Variants in TRPS1 observed in about 807,000 individuals in gnomAD.
The protein encoded by TRPS1 is zinc finger transcription factor Trps1.
Under a neutral mutation model 101.2 loss-of-function variants are expected in TRPS1, and 6 were observed. That is an observed-to-expected ratio of 0.06 (90% CI 0.03 to 0.12). The LOEUF (loss-of-function observed/expected upper bound fraction) is 0.12. TRPS1 is among the 10% of genes least tolerant of loss of function. The probability of loss-of-function intolerance (pLI) is 1.00; values close to 1 mark genes in which losing one functional copy is unlikely to be tolerated. For synonymous variants in TRPS1, 578 were observed against 589.8 expected, an observed-to-expected ratio of 0.98 and a Z score of 0.29; for missense variants, 1,363 against 1,567.0, an observed-to-expected ratio of 0.87 and a Z score of 2.20.
At chr8:115,510,490 A>T (rs944418665) in intron 5 of TRPS1, among the ~76,000 whole-genome samples, 3 of 151,960 alleles carry the variant, frequency 2.0e-5, no homozygotes, top group Non-Finnish European at 4.4e-5. Context: ...GCTATCTATT[A>T]ATAAAAGTCA....
chr8:115,642,707 T>C (rs1818929392), intron 1 of TRPS1, among the ~76,000 whole-genome samples: 1 of 151,910 alleles, frequency 6.6e-6, no homozygotes, highest in Non-Finnish European at 1.5e-5. Context: ...TGAATGACTG[T>C]GTCAGTGTTT....
At position 115,619,492 on chromosome 8, in the gene TRPS1, C is replaced by T; in HGVS notation, c.606G>A (p.Val202=). Residue 202 remains valine, a synonymous_variant, in exon 3 of 7, where the codon GTG becomes GTA. Coordinates refer to ENST00000395715, the MANE Select transcript of TRPS1 (RefSeq NM_014112.5). ...PVSVASKNPQ[V]PSDGGVRLNK... ...TCAGTCTTACACCCCCATCTGAAGG[C>T]ACTTGTGGGTTTTTTGAGGCCACTG... 6.2e-7 allele frequency: 1 copy of T among 1,614,206 alleles called. No homozygotes were observed. The highest frequency in any genetic ancestry group is 1.7e-5 in the Admixed American group (1 of 60,022).
At chr8:115,617,898 C>G (rs1246020160) in intron 3 of TRPS1, among the ~76,000 whole-genome samples, 1 of 152,136 alleles carries the variant, frequency 6.6e-6, no homozygotes, top group African/African-American at 2.4e-5. Context: ...CAAGATGAAA[C>G]TGGTGTTTTA....
At position 115,604,304 on chromosome 8, in the gene TRPS1, T is replaced by C; in HGVS notation, c.1665A>G (p.Val555=). The C allele has an allele frequency of 6.2e-7, 1 of 1,614,104 alleles. No individual in the cohort carries two copies. The highest frequency in any genetic ancestry group is 1.6e-4 in the Middle Eastern group (1 of 6,062). ...GATAATGACGGAGAAGTGGCCCCAC[T>C]ACAATTACATCAGGGCCATGGCTTT... ...YSKSHGPDVI[V]VGPLLRHYQQ... The change falls in exon 4 of 7, where the codon GTA becomes GTG. Residue 555 remains valine, a synonymous_variant. Transcript: ENST00000395715. The surrounding 1 kb of genome is among the most constrained non-coding windows in gnomAD (Gnocchi z 4.1).
intron 5 of TRPS1, among the ~76,000 whole-genome samples, chr8:115,495,937 C>T (rs548959030): frequency 3.9e-4 from 60 of 152,212 alleles, no homozygotes; most frequent in Non-Finnish European, 7.5e-4. Flanking sequence ...TATCTGGAGT[C>T]CCTTAGTCTT....
chr8:115,598,062 A>G (rs760749436), intron 4 of TRPS1, among the ~76,000 whole-genome samples: 58 of 152,200 alleles, frequency 3.8e-4, no homozygotes, highest in Admixed American at 2.4e-3. Flanking sequence ...TTTACTTTAA[A>G]ATGTCTACAT....
intron 5 of TRPS1, among the ~76,000 whole-genome samples, chr8:115,450,361 C>T (rs536905910): frequency 2.4e-4 from 36 of 152,204 alleles, no homozygotes; most frequent in African/African-American, 6.5e-4. Flanking sequence ...CAGGCCTCAC[C>T]GACCATCTTA....
intron 5 of TRPS1, among the ~76,000 whole-genome samples, chr8:115,548,642 AAGAG>A (rs1816634762): frequency 6.6e-6 from 1 of 152,184 alleles, no homozygotes; most frequent in East Asian, 1.9e-4. Context: ...CCAAGATATA[AAGAG>A]AGAAAGAAGC....
At chr8:115,655,938 G>C (rs998352457) in intron 1 of TRPS1, among the ~76,000 whole-genome samples, 2 of 152,086 alleles carry the variant, frequency 1.3e-5, no homozygotes, top group African/African-American at 4.8e-5. Context: ...ATGTTTGCCT[G>C]ACATCACAGG....
At chr8:115,663,236 G>A (rs890069021) in intron 1 of TRPS1, among the ~76,000 whole-genome samples, 4 of 149,452 alleles carry the variant, frequency 2.7e-5, no homozygotes, top group African/African-American at 7.5e-5. Context: ...CCACAAGCCC[G>A]TTCTTACTTG....
intron 5 of TRPS1, among the ~76,000 whole-genome samples, chr8:115,575,987 A>G (rs182016668): frequency 3.0e-3 from 456 of 152,266 alleles, no homozygotes; most frequent in Non-Finnish European, 4.8e-3. Flanking sequence ...GACTGTGAAC[A>G]AAACAGGCAT....
rs1203908040 is a variant in TRPS1, at chr8:115,558,819, AAAC to A, written c.2700+28179_2700+28181del. On this transcript the variant is annotated intron_variant, in intron 5 of 6. Coordinates refer to ENST00000395715, the MANE Select transcript of TRPS1 (RefSeq NM_014112.5). The stretch of plus-strand genomic sequence containing the variant: ...ATAAGAAAGCACCGTGTTAATGATA[AAAC>A]AACTGCTATAACTAGAAATGATAAA... Among the ~76,000 whole-genome samples the A allele has an allele frequency of 7.2e-5, 11 of 152,290 alleles. No individual in the cohort carries two copies. In the East Asian group the frequency reaches 2.1e-3, roughly 29 times the overall value.
At chr8:115,640,608 C>T (rs1818873426) in intron 1 of TRPS1, among the ~76,000 whole-genome samples, 1 of 152,158 alleles carries the variant, frequency 6.6e-6, no homozygotes, top group South Asian at 2.1e-4. Flanking sequence ...TTGGGAAAAA[C>T]CCTGGAAATG....
chr8:115,535,157 A>ATAGCATATATG (rs1816256563), intron 5 of TRPS1, among the ~76,000 whole-genome samples: 1 of 147,946 alleles, frequency 6.8e-6, no homozygotes, highest in Non-Finnish European at 1.5e-5. Flanking sequence ...TAGCATATGT[A>ATAGCATATATG]TAGCATATGT....
intron 5 of TRPS1, among the ~76,000 whole-genome samples, chr8:115,578,233 T>C (rs542122449): frequency 2.6e-4 from 40 of 152,314 alleles, no homozygotes; most frequent in African/African-American, 8.9e-4. Context: ...ATTTACAATT[T>C]AGAAGTTAAT....
At chr8:115,567,405 A>T (rs1817094628) in intron 5 of TRPS1, among the ~76,000 whole-genome samples, 1 of 152,044 alleles carries the variant, frequency 6.6e-6, no homozygotes. Flanking sequence ...GGGGGTGGGG[A>T]AATCTGGCAT....
intron 1 of TRPS1, among the ~76,000 whole-genome samples, chr8:115,645,232 C>T (rs1008811438): frequency 6.6e-6 from 1 of 152,132 alleles, no homozygotes; most frequent in Admixed American, 6.5e-5. Flanking sequence ...TACACACGCA[C>T]ACACATACAC....
intron 6 of TRPS1, among the ~76,000 whole-genome samples, chr8:115,416,857 T>C (rs981610256): frequency 6.6e-6 from 1 of 152,032 alleles, no homozygotes; most frequent in African/African-American, 2.4e-5. Flanking sequence ...TTACAAAGAG[T>C]TCATATTAGC....
chr8:115,458,808 G>A (rs1482124174), intron 5 of TRPS1, among the ~76,000 whole-genome samples: 3 of 152,102 alleles, frequency 2.0e-5, no homozygotes, highest in Non-Finnish European at 4.4e-5. Flanking sequence ...GTTCTTCTGT[G>A]TCTTTCTGCT....
Sources: allele counts gnomAD v4.1 joint callset (sites outside exome capture counted in the v4.1 genomes callset), GRCh38; gene constraint gnomAD v4.1.1; non-coding constraint Gnocchi (gnomAD v3.1); transcripts MANE v1.5; gene names NCBI Gene and HGNC (gene_info 2026-07-23, HGNC 2026-07-21).